C12orf42: variants seen among roughly 807,000 people sequenced by gnomAD.
C12orf42 encodes chromosome 12 open reading frame 42, also known as uncharacterized protein C12orf42.
Under a neutral mutation model 21.6 loss-of-function variants are expected in C12orf42, and 25 were observed. The ratio of observed to expected loss-of-function variants is 1.16; its 90% CI spans 0.84 to 1.62. C12orf42 has a LOEUF of 1.62. C12orf42 is among the 40% of genes most tolerant of loss of function. The pLI is 0.00. For synonymous variants in C12orf42, 174 were observed against 175.0 expected (o/e 0.99, Z 0.05); for missense variants, 483 against 459.3 (o/e 1.05, Z -0.47).
At chr12:103,307,552 G>A (rs2038491983) in intron 4 of C12orf42, among the ~76,000 whole-genome samples, 1 of 152,140 alleles carries the variant, frequency 6.6e-6, no homozygotes, top group Admixed American at 6.5e-5. Context: ...AGCAGAGCTG[G>A]TGCAATGCCA....
chr12:103,238,487 C>A (rs2033563465), intron 10 of C12orf42, among the ~76,000 whole-genome samples: 1 of 152,198 alleles, frequency 6.6e-6, no homozygotes, highest in Admixed American at 6.5e-5. Flanking sequence ...CCAGAAAATG[C>A]ACACTAGAGT....
At chr12:103,184,694 C>A in the C12orf42 span, among the ~76,000 whole-genome samples, 2 of 144,452 alleles carry the variant, frequency 1.4e-5, no homozygotes, top group Non-Finnish European at 3.0e-5. Context: ...AACATAAGTA[C>A]TATAGGCTGA....
At chr12:103,098,135 G>T in the C12orf42 span, among the ~76,000 whole-genome samples, 1 of 152,328 alleles carries the variant, frequency 6.6e-6, no homozygotes, top group East Asian at 1.9e-4. Flanking sequence ...ATCTGCAACT[G>T]CCAAAGGATG....
chr12:103,352,736 A>G (rs12320834), intron 4 of C12orf42, among the ~76,000 whole-genome samples: 23,888 of 152,142 alleles, frequency 0.16, 2,652 homozygotes, highest in African/African-American at 0.32. Flanking sequence ...TATGAAGGGT[A>G]CCAGATCTAA....
intron 4 of C12orf42, among the ~76,000 whole-genome samples, chr12:103,290,531 A>G (rs920672237): frequency 1.3e-5 from 2 of 152,196 alleles, no homozygotes; most frequent in Non-Finnish European, 2.9e-5. Flanking sequence ...CTTGATCTCA[A>G]AGAATTCAGC....
downstream of C12orf42, among the ~76,000 whole-genome samples, chr12:103,235,094 C>A (rs964409626): frequency 6.6e-6 from 1 of 152,102 alleles, no homozygotes; most frequent in African/African-American, 2.4e-5. Flanking sequence ...TTCTGAGTTA[C>A]AGCAAACTAA....
the C12orf42 span, among the ~76,000 whole-genome samples, chr12:103,534,726 G>A: frequency 6.6e-6 from 1 of 152,136 alleles, no homozygotes; most frequent in East Asian, 1.9e-4. Flanking sequence ...AACTCTGCAT[G>A]TCTTGCAAGC....
the C12orf42 span, chr12:103,159,363 T>G: frequency 6.6e-6 from 1 of 152,178 alleles, no homozygotes. Flanking sequence ...TAATTCTTAA[T>G]AAAAAATTCA....
the C12orf42 span, among the ~76,000 whole-genome samples, chr12:103,515,741 A>AGTGC: frequency 6.6e-6 from 1 of 152,238 alleles, no homozygotes; most frequent in Non-Finnish European, 1.5e-5. Context: ...CATTAAATAA[A>AGTGC]AAGAAATGTT....
At chr12:103,412,524 C>G (rs1409276868) in intron 2 of C12orf42, among the ~76,000 whole-genome samples, 1 of 152,144 alleles carries the variant, frequency 6.6e-6, no homozygotes, top group East Asian at 1.9e-4. Context: ...CAAAAATCAG[C>G]TGGGCATGGT....
chr12:103,132,248 T>C, the C12orf42 span, among the ~76,000 whole-genome samples: 1 of 152,008 alleles, frequency 6.6e-6, no homozygotes, highest in African/African-American at 2.4e-5. Context: ...ATATTGGAAT[T>C]CAACCGAAAA....
At chr12:103,176,132 C>T in the C12orf42 span, among the ~76,000 whole-genome samples, 1 of 152,098 alleles carries the variant, frequency 6.6e-6, no homozygotes, top group African/African-American at 2.4e-5. Flanking sequence ...CTTGGAATTG[C>T]TTACCGGCTA....
intron 2 of C12orf42, among the ~76,000 whole-genome samples, chr12:103,412,625 T>G (rs920998313): frequency 6.6e-6 from 1 of 152,236 alleles, no homozygotes; most frequent in Non-Finnish European, 1.5e-5. Flanking sequence ...TACAACTTAC[T>G]GCAAACCTAA....
chr12:103,540,209 T>C, the C12orf42 span, among the ~76,000 whole-genome samples: 2 of 152,152 alleles, frequency 1.3e-5, no homozygotes, highest in Non-Finnish European at 2.9e-5. Flanking sequence ...GGTTTCACCA[T>C]GTTGGTCAGG....
At chr12:103,523,743 T>C in the C12orf42 span, among the ~76,000 whole-genome samples, 1 of 151,604 alleles carries the variant, frequency 6.6e-6, no homozygotes, top group Admixed American at 6.6e-5. Flanking sequence ...GCTTTTGGAA[T>C]ATGAGGATCA....
chr12:103,463,951 C>T (rs989886171), intron 2 of C12orf42, among the ~76,000 whole-genome samples: 5 of 152,184 alleles, frequency 3.3e-5, no homozygotes, highest in Non-Finnish European at 7.3e-5. Flanking sequence ...ATATGTACCA[C>T]ATTTTCTTTA....
At chr12:103,471,876 T>C (rs1424602985) in intron 2 of C12orf42, 1 of 152,166 alleles carries the variant, frequency 6.6e-6, no homozygotes. Flanking sequence ...ACGAAATCGA[T>C]TGTATAACCT....
intron 2 of C12orf42, among the ~76,000 whole-genome samples, chr12:103,462,694 A>G (rs1381830524): frequency 6.6e-6 from 1 of 152,206 alleles, no homozygotes; most frequent in Non-Finnish European, 1.5e-5. Context: ...TTAAGGAGTA[A>G]AATCAGAAAA....
downstream of C12orf42, among the ~76,000 whole-genome samples, chr12:103,235,885 T>C (rs1411055127): frequency 6.6e-6 from 1 of 152,172 alleles, no homozygotes. Context: ...ATGCACTAAC[T>C]ATGGAATAAC....
Sources: allele counts gnomAD v4.1 joint callset (sites outside exome capture counted in the v4.1 genomes callset), GRCh38; gene constraint gnomAD v4.1.1; transcripts MANE v1.5; gene names NCBI Gene and HGNC (gene_info 2026-07-23, HGNC 2026-07-21).